IFFO2: variants seen among roughly 807,000 people sequenced by gnomAD.
IFFO2 encodes the protein intermediate filament family orphan 2.
A neutral mutation model predicts 53.5 loss-of-function variants in IFFO2; 19 were observed. The observed-to-expected ratio is 0.36, with a 90% confidence interval of 0.25 to 0.52. IFFO2 has a LOEUF of 0.52. IFFO2 is among the 20% of genes least tolerant of loss of function. IFFO2 has a pLI of 0.94. For missense variants in IFFO2, 570 were observed against 727.4 expected (o/e 0.78, Z 2.49); for synonymous variants, 303 against 313.6 (o/e 0.97, Z 0.36).
intron 1 of IFFO2, among the ~76,000 whole-genome samples, chr1:18,953,083 C>T (rs1214430878): frequency 6.6e-6 from 1 of 152,188 alleles, no homozygotes; most frequent in Non-Finnish European, 1.5e-5. Context: ...CTGGGTTAGG[C>T]TCCTTCTGGG....
chr1:18,904,291 A>C lies in IFFO2; in HGVS notation c.*4270T>G, dbSNP rs1011003295. 6.6e-6 allele frequency: 1 copy of C among 152,210 alleles called. No individual in the cohort carries two copies. The highest frequency in any genetic ancestry group is 6.5e-5 in the Admixed American group (1 of 15,282). 9.4% of individuals were successfully genotyped at this position (152,210 alleles called of 1,614,324 possible). A position where few individuals can be genotyped will look rare whatever the true frequency, so the allele number is the denominator to read the frequency against. On this transcript the variant is annotated 3_prime_UTR_variant, in exon 9 of 9. Coordinates refer to ENST00000455833, the MANE Select transcript of IFFO2 (RefSeq NM_001136265.2). ...AAAAAAAAGCACCATCAGTTCTAAG[A>C]CATTTCACTTTATTTAAAAGAAGCC... is the stretch of plus-strand genomic sequence containing the variant.
At chr1:18,954,112 AG>A (rs1422428278) in intron 1 of IFFO2, among the ~76,000 whole-genome samples, 1 of 152,246 alleles carries the variant, frequency 6.6e-6, no homozygotes, top group East Asian at 1.9e-4. Flanking sequence ...CCAGAGAAAC[AG>A]GTAACCCAGG....
At chr1:18,953,382 C>T (rs1401683335) in intron 1 of IFFO2, among the ~76,000 whole-genome samples, 1 of 152,206 alleles carries the variant, frequency 6.6e-6, no homozygotes, top group East Asian at 1.9e-4. Flanking sequence ...AAACATACTA[C>T]TAACAAGTTA....
intron 1 of IFFO2, among the ~76,000 whole-genome samples, chr1:18,923,640 A>C (rs1282651770): frequency 1.3e-5 from 2 of 152,240 alleles, no homozygotes; most frequent in African/African-American, 2.4e-5. Context: ...AAAGAGGTAA[A>C]GTAACTTGTC....
At chr1:18,950,720 C>T (rs1936649219) in intron 1 of IFFO2, among the ~76,000 whole-genome samples, 1 of 152,216 alleles carries the variant, frequency 6.6e-6, no homozygotes, top group South Asian at 2.1e-4. Flanking sequence ...GGCTTCGGGA[C>T]ATTCAGGGGC....
chr1:18,939,820 C>T (rs1217195448), intron 1 of IFFO2, among the ~76,000 whole-genome samples: 1 of 152,196 alleles, frequency 6.6e-6, no homozygotes, highest in African/African-American at 2.4e-5. Flanking sequence ...CACCAGGAAG[C>T]ACTTCCCAAT....
Position 18,916,485 on chromosome 1 carries a change from G to T in IFFO2, c.1103+418C>A, listed in dbSNP as rs1177699142. ...TTACAAATGTTGAAAATGAGTCTTG[G>T]CTGTGTGCAGTGGTTCACGCCTGTA... On this transcript the variant is annotated intron_variant, in intron 5 of 8. Coordinates refer to ENST00000455833, the MANE Select transcript of IFFO2 (RefSeq NM_001136265.2). This position sits in a 1 kb window ranked among gnomAD's most constrained non-coding sequence, Gnocchi z 4.3. 6.6e-6 allele frequency among the ~76,000 whole-genome samples: 1 copy of T among 152,182 alleles called. No homozygotes were observed. The highest frequency in any genetic ancestry group is 1.5e-5 in the Non-Finnish European group (1 of 68,044).
intron 1 of IFFO2, among the ~76,000 whole-genome samples, chr1:18,923,059 G>A (rs1238737048): frequency 4.6e-5 from 7 of 152,308 alleles, no homozygotes; most frequent in South Asian, 2.1e-4. Context: ...CGGGGAAGGC[G>A]ACTCAATTCC....
At position 18,947,253 on chromosome 1, in the gene IFFO2, C is replaced by T. The variant is rs959846308; in HGVS notation, c.665+8415G>A. ...GGGATACTCCAGCCCAGGGCGGAGG[C>T]GAGCTCCCAAACAGCCACCAGAATG... On this transcript the variant is annotated intron_variant, in intron 1 of 8. Transcript: ENST00000455833. This position sits in a 1 kb window ranked among gnomAD's most constrained non-coding sequence, Gnocchi z 5.0. Among the ~76,000 whole-genome samples the T allele has an allele frequency of 1.8e-4, 27 of 152,340 alleles. No homozygotes were observed. The highest frequency in any genetic ancestry group is 5.8e-4 in the African/African-American group (24 of 41,582).
At chr1:18,930,902 G>A (rs986558650) in intron 1 of IFFO2, among the ~76,000 whole-genome samples, 1 of 152,182 alleles carries the variant, frequency 6.6e-6, no homozygotes, top group Admixed American at 6.5e-5. Context: ...TGAACATGGT[G>A]GCTCACGGCT....
rs772210390 is a variant in IFFO2 at position 18,917,813 on chromosome 1, G to A, written c.963+549C>T. Among the ~76,000 whole-genome samples the A allele has an allele frequency of 1.6e-4, 25 of 152,152 alleles. No homozygotes were observed. The highest frequency in any genetic ancestry group is 2.8e-4 in the Non-Finnish European group (19 of 68,010). On this transcript the variant is annotated intron_variant, in intron 4 of 8. Coordinates refer to ENST00000455833, the MANE Select transcript of IFFO2 (RefSeq NM_001136265.2). The surrounding 1 kb of genome is among the most constrained non-coding windows in gnomAD (Gnocchi z 5.9). ...GGCGCTAACCTGATCGCCGTCTCTC[G>A]GGGGCACCCACACTTGCACGTTAGG...
chr1:18,940,638 T>A (rs1289762953), intron 1 of IFFO2, among the ~76,000 whole-genome samples: 1 of 151,944 alleles, frequency 6.6e-6, no homozygotes, highest in African/African-American at 2.4e-5. Context: ...GATGGAAGAA[T>A]AAATGATCAA....
intron 1 of IFFO2, among the ~76,000 whole-genome samples, chr1:18,934,174 C>G (rs1476279864): frequency 6.9e-6 from 1 of 145,624 alleles, no homozygotes; most frequent in Non-Finnish European, 1.5e-5. Flanking sequence ...CTCAAGCAAT[C>G]CCCCTGCCTC....
chr1:18,939,348 G>T (rs1936491352), intron 1 of IFFO2, among the ~76,000 whole-genome samples: 1 of 152,214 alleles, frequency 6.6e-6, no homozygotes, highest in South Asian at 2.1e-4. Flanking sequence ...CCTTTATCAA[G>T]CCCCCTGCCC....
chr1:18,917,006 C>G lies in IFFO2; in HGVS notation c.1000G>C (p.Asp334His). 1 of 1,552,272 alleles carries G rather than the reference C, an allele frequency of 6.4e-7. No individual in the cohort carries two copies. The change falls in exon 5 of 9, where the codon GAT becomes CAT. Residue 334 changes from aspartate (D) to histidine (H), a missense_variant. Physicochemically the swap from Asp to His is moderately conservative, Grantham distance 81 (BLOSUM62 -1). Transcript: ENST00000455833. The surrounding 1 kb of genome is among the most constrained non-coding windows in gnomAD (Gnocchi z 5.9). The part of the protein sequence containing the change: ...PKKKERKVAS[D>H]DDISEQDGEV... Reference sequence around the variant, plus strand: ...CCGTCCTGCTCAGAGATGTCATCATCGGAAGCCACCTTACGCTCTTTCTTT... The same window carrying G: ...CCGTCCTGCTCAGAGATGTCATCATGGGAAGCCACCTTACGCTCTTTCTTT...
chr1:18,909,279 C>T (rs761826608), intron 8 of IFFO2, among the ~76,000 whole-genome samples: 5 of 152,152 alleles, frequency 3.3e-5, no homozygotes, highest in Admixed American at 6.5e-5. Flanking sequence ...ACAGTGACAA[C>T]GTATTTGTGC....
At chr1:18,949,159 T>C (rs1936626724) in intron 1 of IFFO2, among the ~76,000 whole-genome samples, 1 of 152,240 alleles carries the variant, frequency 6.6e-6, no homozygotes, top group African/African-American at 2.4e-5. Context: ...GTCCGTCTTC[T>C]GTCCCATCCT....
At chr1:18,946,883 G>A (rs946447737) in intron 1 of IFFO2, among the ~76,000 whole-genome samples, 1 of 152,204 alleles carries the variant, frequency 6.6e-6, no homozygotes, top group East Asian at 1.9e-4. Flanking sequence ...CTGGCAAAGA[G>A]TAAATGTTGT....
rs578204132 is a variant in IFFO2 at position 18,930,282 on chromosome 1, G to C, written c.666-9161C>G. Among the ~76,000 whole-genome samples, 110 of 152,346 alleles carry C rather than the reference G, an allele frequency of 7.2e-4. 2 individuals are homozygous for C. Among genetic ancestry groups the C allele is most frequent in the South Asian group, 1.0e-3 (5 of 4,824 alleles). On this transcript the variant is annotated intron_variant, in intron 1 of 8. Coordinates refer to ENST00000455833, the MANE Select transcript of IFFO2 (RefSeq NM_001136265.2). Reference sequence around the variant, plus strand: ...CCTCCCAATGACAGCTGCTCAGAGAGGTGGGGAGAGGCTGGGAGAATGCTC... The same window carrying C: ...CCTCCCAATGACAGCTGCTCAGAGACGTGGGGAGAGGCTGGGAGAATGCTC...
Sources: gnomAD v4.1 joint callset for allele counts (sites outside exome capture counted in the v4.1 genomes callset) on GRCh38, gnomAD v4.1.1 for gene constraint, Gnocchi (gnomAD v3.1) non-coding constraint, MANE v1.5 for transcripts, NCBI Gene and HGNC (gene_info 2026-07-23, HGNC 2026-07-21) for gene names.